GNA11: variants seen among roughly 807,000 people sequenced by gnomAD.
The protein encoded by GNA11 is G protein subunit alpha 11.
Under a neutral mutation model 38.2 loss-of-function variants are expected in GNA11, and 8 were observed. The ratio of observed to expected loss-of-function variants is 0.21; its 90% confidence interval spans 0.12 to 0.38. The LOEUF is 0.38. Ranked by LOEUF, GNA11 falls within the 10% of genes least tolerant of loss-of-function variation. GNA11 has a pLI of 1.00. For missense variants in GNA11, 268 were observed against 516.3 expected, an observed-to-expected ratio of 0.52 and a Z score of 4.66; for synonymous variants, 211 against 221.4, an observed-to-expected ratio of 0.95 and a Z score of 0.42.
intron 1 of GNA11, among the ~76,000 whole-genome samples, chr19:3,100,179 G>A (rs762722631): frequency 2.0e-5 from 3 of 152,146 alleles, no homozygotes; most frequent in Non-Finnish European, 4.4e-5. Flanking sequence ...CCCCAGCCTC[G>A]GCTCCGTGGG....
chr19:3,116,449 G>T (rs561801145), intron 4 of GNA11, among the ~76,000 whole-genome samples: 165 of 113,320 alleles, frequency 1.5e-3, no homozygotes, highest in African/African-American at 5.1e-3. Flanking sequence ...AGTGGCGGCC[G>T]CATCCTTGGC....
chr19:3,096,033 G>T (rs551191862), intron 1 of GNA11, among the ~76,000 whole-genome samples: 2 of 152,296 alleles, frequency 1.3e-5, no homozygotes, highest in South Asian at 2.1e-4. Context: ...GGGGCGGGGC[G>T]GTGGGGAAGG....
At chr19:3,101,502 G>A (rs776845475) in intron 1 of GNA11, among the ~76,000 whole-genome samples, 2 of 152,218 alleles carry the variant, frequency 1.3e-5, no homozygotes, top group African/African-American at 2.4e-5. Context: ...CACTGGATGC[G>A]GCGAGGGTTG....
intron 4 of GNA11, among the ~76,000 whole-genome samples, chr19:3,116,785 G>A (rs1424700258): frequency 6.6e-6 from 1 of 152,236 alleles, no homozygotes; most frequent in Non-Finnish European, 1.5e-5. Flanking sequence ...CCTCATGAGG[G>A]AATGACGCCT....
chr19:3,109,359 G>A (rs551672724), intron 1 of GNA11, among the ~76,000 whole-genome samples: 5 of 152,318 alleles, frequency 3.3e-5, no homozygotes, highest in South Asian at 2.1e-4. Flanking sequence ...CCCCCTTCCC[G>A]ATAGTTTTTC....
In GNA11 at chr19:3,121,329, G is replaced by A; in HGVS notation, c.*150G>A. On this transcript the variant is annotated 3_prime_UTR_variant, in exon 7 of 7. Transcript: ENST00000078429. ...TTTTTTTTTCATATTTTTAACAAAT[G>A]GTTTTTATTTCACAGTTATCAGGGG... is the stretch of plus-strand genomic sequence containing the variant. 1.7e-6 allele frequency: 1 copy of A among 596,402 alleles called. No individual in the cohort carries two copies. The highest frequency in any genetic ancestry group is 2.1e-5 in the South Asian group (1 of 48,018). 36.9% of individuals were successfully genotyped at this position (596,402 alleles called of 1,614,324 possible).
intron 1 of GNA11, among the ~76,000 whole-genome samples, chr19:3,100,775 C>T (rs1913483544): frequency 6.6e-6 from 1 of 152,210 alleles, no homozygotes; most frequent in Admixed American, 6.5e-5. Flanking sequence ...CTTCCCTCTC[C>T]CGGCCTCAGT....
chr19:3,105,347 C>G (rs528703833), intron 1 of GNA11, among the ~76,000 whole-genome samples: 121 of 138,182 alleles, frequency 8.8e-4, no homozygotes, highest in African/African-American at 3.2e-3. Context: ...GAGTTTGTCT[C>G]ATGGTTCTGG....
intron 3 of GNA11, 65 bp downstream of exon 3, chr19:3,113,549 C>G (rs554165852): frequency 8.5e-6 from 11 of 1,292,630 alleles, no homozygotes; most frequent in Non-Finnish European, 1.2e-5. Context: ...TGGGACCCTT[C>G]GGGAAGGCCT....
Position 3,110,048 on chromosome 19 carries a change from T to C in GNA11, c.137-101T>C, listed in dbSNP as rs909688140. ...GTCAGCCTCACGTGCCTTGGTTTCCTGTGCTGGGTGCTGCAGCACGGCAGG... is the reference window on the plus strand; with the variant it reads ...GTCAGCCTCACGTGCCTTGGTTTCCCGTGCTGGGTGCTGCAGCACGGCAGG... On this transcript the variant is annotated intron_variant, in intron 1 of 6. Transcript: ENST00000078429. This position sits in a 1 kb window ranked among gnomAD's most constrained non-coding sequence, Gnocchi z 5.4. 4.3e-6 allele frequency: 4 copies of C among 921,950 alleles called. No homozygotes were observed. The highest frequency in any genetic ancestry group is 3.4e-4 in the Middle Eastern group (1 of 2,948). The allele number at this position is 921,950 out of a possible 1,614,324, so 57.1% of individuals were successfully genotyped here. A position where few individuals can be genotyped will look rare whatever the true frequency, so the allele number is the denominator to read the frequency against.
At chr19:3,105,924 G>A (rs1006500822) in intron 1 of GNA11, among the ~76,000 whole-genome samples, 3 of 152,318 alleles carry the variant, frequency 2.0e-5, no homozygotes, top group Non-Finnish European at 2.9e-5. Context: ...GATGAGGGCC[G>A]GCAAGGGGCT....
rs1913735535 is a variant in GNA11 at position 3,110,144 on chromosome 19, C to G, written c.137-5C>G. 2 of 1,595,226 alleles carry G rather than the reference C, an allele frequency of 1.3e-6. No individual in the cohort carries two copies. Among genetic ancestry groups the G allele is most frequent in the East Asian group, 4.5e-5 (2 of 44,366 alleles). On this transcript the variant is annotated splice_region_variant and splice_polypyrimidine_tract_variant and intron_variant, in intron 1 of 6. Coordinates refer to ENST00000078429, the MANE Select transcript of GNA11 (RefSeq NM_002067.5). The surrounding 1 kb of genome is among the most constrained non-coding windows in gnomAD (Gnocchi z 5.4). ...CCGCCCGCCCTCACGTGCCCCGTCC[C>G]CCAGGCACGGGCGAGAGCGGGAAGA... is the stretch of plus-strand genomic sequence containing the variant.
At chr19:3,111,859 G>T (rs1913782842) in intron 2 of GNA11, among the ~76,000 whole-genome samples, 1 of 152,242 alleles carries the variant, frequency 6.6e-6, no homozygotes, top group Non-Finnish European at 1.5e-5. Flanking sequence ...CGCTTTCGTA[G>T]CCCTGCTTTC....
At chr19:3,107,337 G>A (rs374190401) in intron 1 of GNA11, among the ~76,000 whole-genome samples, 2 of 152,184 alleles carry the variant, frequency 1.3e-5, no homozygotes, top group Non-Finnish European at 2.9e-5. Context: ...TGGTCTTCCC[G>A]GCATCCTCGC....
rs376227522 is a variant in GNA11 at position 3,122,615 on chromosome 19, C to T, written c.*1436C>T. On this transcript the variant is annotated 3_prime_UTR_variant, in exon 7 of 7. Coordinates refer to ENST00000078429, the MANE Select transcript of GNA11 (RefSeq NM_002067.5). This position sits in a 1 kb window ranked among gnomAD's most constrained non-coding sequence, Gnocchi z 7.7. ...GTCTGCTGTTGACTGAACACTACAG[C>T]GCCCTGTGGTTCCGGGCTTCGCACA... The T allele has an allele frequency of 1.7e-5, 4 of 233,242 alleles. No individual in the cohort carries two copies. The highest frequency in any genetic ancestry group is 6.0e-5 in the East Asian group (1 of 16,592). The allele number at this position is 233,242 out of a possible 1,614,324, so 14.4% of individuals were successfully genotyped here. A position where few individuals can be genotyped will look rare whatever the true frequency, so the allele number is the denominator to read the frequency against.
intron 1 of GNA11, among the ~76,000 whole-genome samples, chr19:3,103,451 G>A (rs1913553241): frequency 6.7e-6 from 1 of 148,716 alleles, no homozygotes; most frequent in Admixed American, 6.7e-5. Flanking sequence ...GACCTCAGGT[G>A]ATCCGCTTGC....
intron 4 of GNA11, among the ~76,000 whole-genome samples, chr19:3,115,663 G>A (rs114827037): frequency 0.018 from 2,720 of 150,946 alleles, 81 homozygotes; most frequent in African/African-American, 0.052. Context: ...AGTGCTGGCC[G>A]GAGCAGGGGG....
chr19:3,112,568 T>C (rs1193064531), intron 2 of GNA11, among the ~76,000 whole-genome samples: 2 of 152,268 alleles, frequency 1.3e-5, no homozygotes, highest in South Asian at 2.1e-4. Context: ...CCCCAAAGGG[T>C]GTTCACATGT....
chr19:3,120,841 G>A lies in GNA11; in HGVS notation c.890-148G>A, dbSNP rs1192935525. The A allele has an allele frequency of 3.3e-6, 2 of 602,690 alleles. No homozygotes were observed. Among genetic ancestry groups the A allele is most frequent in the Non-Finnish European group, 5.9e-6 (2 of 340,352 alleles). The allele number at this position is 602,690 out of a possible 1,614,324, so 37.3% of individuals were successfully genotyped here. On this transcript the variant is annotated intron_variant, in intron 6 of 6. Transcript: ENST00000078429. The surrounding 1 kb of genome is among the most constrained non-coding windows in gnomAD (Gnocchi z 5.9). ...GCTCACCTGGGGAGGGAGGGGAGCT[G>A]CGGCCCGTCAGGCATGCAGTGGGCT...
Sources: allele counts gnomAD v4.1 joint callset (sites outside exome capture counted in the v4.1 genomes callset), GRCh38; gene constraint gnomAD v4.1.1; non-coding constraint Gnocchi (gnomAD v3.1); transcripts MANE v1.5; gene names NCBI Gene and HGNC (gene_info 2026-07-23, HGNC 2026-07-21).